Variants in CRADD observed in about 807,000 individuals in gnomAD.
The protein encoded by CRADD is death domain-containing protein CRADD.
In CRADD, 9 loss-of-function variants were observed where a neutral mutation model predicts 15.5. The ratio of observed to expected loss-of-function variants is 0.58; its 90% CI spans 0.35 to 1.01. The LOEUF (loss-of-function observed/expected upper bound fraction) is 1.01, where lower values mean the gene tolerates loss of function less well. CRADD is among the 50% of genes least tolerant of loss of function. The pLI, the probability that CRADD is intolerant of heterozygous loss-of-function variation, is 0.02. For missense variants in CRADD, 227 were observed against 250.3 expected, an observed-to-expected ratio of 0.91 and a Z score of 0.63; for synonymous variants, 118 against 107.6, an observed-to-expected ratio of 1.10 and a Z score of -0.60.
intron 2 of CRADD, among the ~76,000 whole-genome samples, chr12:93,779,612 C>CAA (rs1157674736): frequency 7.6e-6 from 1 of 131,104 alleles, no homozygotes; most frequent in African/African-American, 2.8e-5. Context: ...TTTTTTGAGA[C>CAA]AGAGTCTCAC....
At chr12:93,764,202 T>G (rs1957001555) in intron 2 of CRADD, among the ~76,000 whole-genome samples, 1 of 141,438 alleles carries the variant, frequency 7.1e-6, no homozygotes, top group Admixed American at 7.2e-5. Flanking sequence ...TTTTTTTGCT[T>G]AAGAACGATC....
At chr12:93,713,270 G>A (rs1219447124) in intron 2 of CRADD, among the ~76,000 whole-genome samples, 1 of 152,104 alleles carries the variant, frequency 6.6e-6, no homozygotes, top group Admixed American at 6.6e-5. Context: ...TGTCTGTAGT[G>A]ACTCTGCAGA....
At chr12:93,813,657 G>A (rs917893071) in intron 2 of CRADD, among the ~76,000 whole-genome samples, 6 of 152,116 alleles carry the variant, frequency 3.9e-5, no homozygotes, top group Non-Finnish European at 7.3e-5. Flanking sequence ...AAAGCCCAGA[G>A]GGCCTCGGTG....
chr12:93,755,175 G>C (rs184596000), intron 2 of CRADD, among the ~76,000 whole-genome samples: 123 of 152,206 alleles, frequency 8.1e-4, no homozygotes, highest in African/African-American at 2.9e-3. Context: ...CCTTCCCTAT[G>C]ATTTCATTAC....
intron 2 of CRADD, among the ~76,000 whole-genome samples, chr12:93,683,913 T>G (rs1462809062): frequency 6.6e-6 from 1 of 152,212 alleles, no homozygotes; most frequent in Admixed American, 6.5e-5. Flanking sequence ...TAGCTTGCAG[T>G]CTATCCATGT....
intron 2 of CRADD, among the ~76,000 whole-genome samples, chr12:93,827,191 A>G (rs913985644): frequency 6.6e-6 from 1 of 152,112 alleles, no homozygotes; most frequent in Non-Finnish European, 1.5e-5. Flanking sequence ...AACACTCCTA[A>G]AAGTTTTCTC....
At position 93,710,638 on chromosome 12, in the gene CRADD, C is replaced by A. The variant is rs1014098160; in HGVS notation, c.298+31566C>A. On this transcript the variant is annotated intron_variant, in intron 2 of 2. Coordinates refer to ENST00000332896, the MANE Select transcript of CRADD (RefSeq NM_003805.5). ...GGGATTACAGGCGTGAACCACCATG[C>A]CTGGCCAGCTTCTATTTCTCTTGAA... is the stretch of plus-strand genomic sequence containing the variant. Among the ~76,000 whole-genome samples the A allele has an allele frequency of 5.7e-4, 87 of 152,246 alleles. 1 individual carries two copies. Among genetic ancestry groups the A allele is most frequent in the African/African-American group, 2.0e-3 (83 of 41,552 alleles).
chr12:93,846,036 AT>A (rs1443824687), intron 2 of CRADD, among the ~76,000 whole-genome samples: 2 of 151,944 alleles, frequency 1.3e-5, no homozygotes, highest in Non-Finnish European at 2.9e-5. Flanking sequence ...ATCAGAAAGT[AT>A]TTGTCCTTTT....
chr12:93,793,601 A>G (rs1957376616), intron 2 of CRADD, among the ~76,000 whole-genome samples: 1 of 152,164 alleles, frequency 6.6e-6, no homozygotes, highest in Non-Finnish European at 1.5e-5. Context: ...TCCTTTTTTC[A>G]TAACAAATAG....
At chr12:93,887,021 C>G (rs941679273) in intron 2 of CRADD, among the ~76,000 whole-genome samples, 1 of 152,202 alleles carries the variant, frequency 6.6e-6, no homozygotes, top group Non-Finnish European at 1.5e-5. Context: ...GGGTTGCCCA[C>G]AGTTATAAGC....
At chr12:93,826,521 A>G (rs11107203) in intron 2 of CRADD, among the ~76,000 whole-genome samples, 8,367 of 152,316 alleles carry the variant, frequency 0.055, 780 homozygotes, top group African/African-American at 0.19. Context: ...TTTCAAAGCT[A>G]TATCCTCTGC....
chr12:93,765,420 A>G (rs1459479435), intron 2 of CRADD, among the ~76,000 whole-genome samples: 1 of 152,192 alleles, frequency 6.6e-6, no homozygotes, highest in Non-Finnish European at 1.5e-5. Flanking sequence ...TGAAGTAAGC[A>G]TTTTATAGGT....
chr12:93,888,325 T>A (rs1958552597), intron 2 of CRADD, among the ~76,000 whole-genome samples: 1 of 149,774 alleles, frequency 6.7e-6, no homozygotes, highest in Non-Finnish European at 1.5e-5. Flanking sequence ...CTCGGGAGGC[T>A]GAGGTGGGAG....
chr12:93,802,460 C>G (rs1382327612), intron 2 of CRADD, among the ~76,000 whole-genome samples: 1 of 151,574 alleles, frequency 6.6e-6, no homozygotes, highest in East Asian at 1.9e-4. Context: ...CAGACTAGAA[C>G]CAGGTATCAG....
chr12:93,785,383 C>T lies in CRADD; in HGVS notation c.299-64587C>T, dbSNP rs137855379. On this transcript the variant is annotated intron_variant, in intron 2 of 2. Transcript: ENST00000332896. ...TTGTGTCTACTCCAAAGGGTAGTGG[C>T]TTGAGTCACCCACTGGTATGTGTGA... 2.0e-3 allele frequency among the ~76,000 whole-genome samples: 311 copies of T among 152,274 alleles called. 1 individual carries two copies. The highest frequency in any genetic ancestry group is 3.7e-3 in the South Asian group (18 of 4,822).
chr12:93,891,993 A>G (rs1958579226), intron 2 of CRADD, among the ~76,000 whole-genome samples: 1 of 152,234 alleles, frequency 6.6e-6, no homozygotes, highest in South Asian at 2.1e-4. Context: ...AAATGCTCCC[A>G]TGAACAAGAT....
chr12:93,858,175 C>T (rs1958290329), intron 2 of CRADD, among the ~76,000 whole-genome samples: 1 of 152,236 alleles, frequency 6.6e-6, no homozygotes, highest in Non-Finnish European at 1.5e-5. Context: ...ACCCTCCCAA[C>T]ACAAATCCCC....
At chr12:93,705,836 C>T (rs375536733) in intron 2 of CRADD, among the ~76,000 whole-genome samples, 31 of 152,158 alleles carry the variant, frequency 2.0e-4, no homozygotes, top group African/African-American at 4.6e-4. Flanking sequence ...AATTTGCTTT[C>T]GCGGCATTAC....
At chr12:93,828,621 G>T (rs1159095604) in intron 2 of CRADD, among the ~76,000 whole-genome samples, 1 of 152,188 alleles carries the variant, frequency 6.6e-6, no homozygotes, top group Non-Finnish European at 1.5e-5. Flanking sequence ...AACTGCCTTT[G>T]CACCTTTGTC....
Sources: gnomAD v4.1 joint callset for allele counts (sites outside exome capture counted in the v4.1 genomes callset) on GRCh38, gnomAD v4.1.1 for gene constraint, MANE v1.5 for transcripts, NCBI Gene and HGNC (gene_info 2026-07-23, HGNC 2026-07-21) for gene names.